The following THBS2 variants were observed in gnomAD, a reference collection of about 807,000 sequenced individuals.
THBS2 encodes thrombospondin 2.
In THBS2, 47 loss-of-function variants were observed where a neutral mutation model predicts 135.2. The ratio of observed to expected loss-of-function variants is 0.35; its 90% CI spans 0.28 to 0.44. The LOEUF is 0.44. Among genes scored for constraint, THBS2 ranks in the 20% least tolerant of loss-of-function variants. The pLI is 1.00. For missense variants in THBS2, 1,288 were observed against 1,603.1 expected (o/e 0.80, Z 3.36); for synonymous variants, 639 against 633.8 (o/e 1.01, Z -0.12).
intron 21 of THBS2, among the ~76,000 whole-genome samples, chr6:169,219,474 A>G (rs1042204603): frequency 9.9e-5 from 15 of 152,072 alleles, no homozygotes; most frequent in African/African-American, 3.6e-4. Flanking sequence ...GCCTTGAAAG[A>G]CATCCTAACA....
intron 20 of THBS2, 129 bp from the exon 21 acceptor site, chr6:169,220,466 A>C: frequency 1.7e-6 from 2 of 1,178,446 alleles, no homozygotes; most frequent in Non-Finnish European, 2.4e-6. Context: ...TCAGTGCCCC[A>C]GGGGGCATTG....
intron 3 of THBS2, among the ~76,000 whole-genome samples, chr6:169,247,657 G>A (rs1780598029): frequency 6.6e-6 from 1 of 151,936 alleles, no homozygotes; most frequent in Non-Finnish European, 1.5e-5. Context: ...GCATTGCATG[G>A]CTGTGGGTGG....
rs1202577624 is a variant in THBS2, at chr6:169,241,924, C to T, written c.729G>A (p.Thr243=). ...EINAISENTE[T]LRLGPHVTTE... is the part of the protein sequence containing the mutation. ...TGGTGACATGCGGACCCAGGCGCAG[C>T]GTCTCTGTGTTCTCACTGATGGCGT... is the stretch of plus-strand genomic sequence containing the variant. The change falls in exon 5 of 22, where the codon ACG becomes ACA. Residue 243 remains threonine, a synonymous_variant. Transcript: ENST00000617924. This position sits in a 1 kb window ranked among gnomAD's most constrained non-coding sequence, Gnocchi z 5.5. 4 of 1,611,466 alleles carry T rather than the reference C, an allele frequency of 2.5e-6. No homozygotes were observed. Among genetic ancestry groups the T allele is most frequent in the East Asian group, 2.2e-5 (1 of 44,872 alleles).
At chr6:169,242,601 T>TTCCCACCTTCCCCCCAC (rs1780355710) in intron 4 of THBS2, among the ~76,000 whole-genome samples, 2 of 71,344 alleles carry the variant, frequency 2.8e-5, no homozygotes, top group Non-Finnish European at 5.6e-5. Context: ...CCTTCCCACA[T>TTCCCACCTTCCCCCCAC]TCCCACCTTC....
At chr6:169,234,592 T>G (rs762004048) in intron 10 of THBS2, 142 bp downstream of exon 10, 1 of 860,286 alleles carries the variant, frequency 1.2e-6, no homozygotes, top group African/African-American at 1.7e-5. Context: ...GAAACACAGA[T>G]GTTAAAAGTA....
intron 4 of THBS2, among the ~76,000 whole-genome samples, 191 bp from the exon 5 acceptor site, chr6:169,242,149 GC>G (rs1188969763): frequency 1.3e-5 from 2 of 152,132 alleles, no homozygotes; most frequent in Admixed American, 1.3e-4. Context: ...TCCCAGAGTG[GC>G]CTGGTGCTGG....
chr6:169,245,318 A>T (rs1341481562), intron 4 of THBS2, among the ~76,000 whole-genome samples: 1 of 152,246 alleles, frequency 6.6e-6, no homozygotes, highest in Non-Finnish European at 1.5e-5. Flanking sequence ...TAGATGATGT[A>T]CGGCATTTAA....
rs755923430 is a variant in THBS2, at chr6:169,228,133, A to G, written c.2408T>C (p.Ile803Thr). The change falls in exon 15 of 22, where the codon ATT becomes ACT. Residue 803 changes from isoleucine (I) to threonine (T), a missense_variant. Ile to Thr is a moderately conservative substitution (Grantham distance 89). Coordinates refer to ENST00000617924, the MANE Select transcript of THBS2 (RefSeq NM_003247.5). Reference sequence around the variant, plus strand: ...GCAGAAGCACCCACCGTCCCCATCAATGTCCACGGAGCAGGCGTCACCCTC... The same window carrying G: ...GCAGAAGCACCCACCGTCCCCATCAGTGTCCACGGAGCAGGCGTCACCCTC... ...NGEGDACSVD[I>T]DGDDVFNERD... 28 of 1,612,160 alleles carry G rather than the reference A, an allele frequency of 1.7e-5. No individual in the cohort carries two copies. The highest frequency in any genetic ancestry group is 2.4e-5 in the Non-Finnish European group (28 of 1,179,704).
At chr6:169,219,643 C>T (rs1431692883) in intron 21 of THBS2, among the ~76,000 whole-genome samples, 1 of 152,136 alleles carries the variant, frequency 6.6e-6, no homozygotes, top group African/African-American at 2.4e-5. Context: ...CTGCCCCCAG[C>T]CAAACACATG....
rs1288067028 is a variant in THBS2, at chr6:169,216,687, T to TATC, written c.*1132_*1134dup. On this transcript the variant is annotated 3_prime_UTR_variant, in exon 22 of 22. Transcript: ENST00000617924. ...ATGCTTCATCGTGACAACCTAATAT[T>TATC]ATCAAGCCTCATATTTTCACAGGAT... The TATC allele has an allele frequency of 6.6e-6, 1 of 152,056 alleles. No individual in the cohort carries two copies. Among genetic ancestry groups the TATC allele is most frequent in the African/African-American group, 2.4e-5 (1 of 41,432 alleles). The allele number at this position is 152,056 out of a possible 1,614,324, so 9.4% of individuals were successfully genotyped here. A position where few individuals can be genotyped will look rare whatever the true frequency, so the allele number is the denominator to read the frequency against.
chr6:169,234,823 C>A lies in THBS2; in HGVS notation c.1562G>T (p.Cys521Phe), dbSNP rs1343820630. 6.2e-7 allele frequency: 1 copy of A among 1,613,360 alleles called. No individual in the cohort carries two copies. Among genetic ancestry groups the A allele is most frequent in the South Asian group, 1.1e-5 (1 of 91,018 alleles). ...TCCGTACTGAGGCTCAGGGCTGTTG[C>A]AGACCCGGGTGCGCTCCCGGATCCC... Reference protein sequence around the residue: ...AGGIRERTRVCNSPEPQYGGK... With the variant: ...AGGIRERTRVFNSPEPQYGGK... Residue 521 changes from cysteine to phenylalanine, a missense_variant, in exon 10 of 22, where the codon TGC becomes TTC. This residue lies in a region of THBS2 where 874 missense variants were observed against 1,156.1 expected (regional missense o/e 0.76). Coordinates refer to ENST00000617924, the MANE Select transcript of THBS2 (RefSeq NM_003247.5).
In THBS2 at chr6:169,241,732, G is replaced by A. The variant is rs1448509590; in HGVS notation, c.891+30C>T. 1 of 1,576,738 alleles carries A rather than the reference G, an allele frequency of 6.3e-7. No homozygotes were observed. Among genetic ancestry groups the A allele is most frequent in the Non-Finnish European group, 8.7e-7 (1 of 1,154,924 alleles). ...AGCGGCGGAGCTGCCCATGCCCTAT[G>A]ACCCCCGCGGCCCCTGCGTGAGTAC... On this transcript the variant is annotated intron_variant, in intron 5 of 21. Coordinates refer to ENST00000617924, the MANE Select transcript of THBS2 (RefSeq NM_003247.5). This position sits in a 1 kb window ranked among gnomAD's most constrained non-coding sequence, Gnocchi z 5.5.
In THBS2 at chr6:169,239,677, G is replaced by A. The variant is rs546033162; in HGVS notation, c.1051C>T (p.His351Tyr). Reference sequence around the variant, plus strand: ...GTTGCAGGCGGGCAGGTGATTTGGTGGCAAATGGTTTTAAATTTCTACAAG... The same window carrying A: ...GTTGCAGGCGGGCAGGTGATTTGGTAGCAAATGGTTTTAAATTTCTACAAG... ...CTCKKFKTIC[H>Y]QITCPPATCA... Residue 351 changes from histidine to tyrosine, a missense_variant, in exon 7 of 22, where the codon CAC (histidine) becomes TAC (tyrosine). By Grantham distance (83) the His-to-Tyr change is moderately conservative. Around this residue, in one of 2 missense-constraint regions of THBS2, gnomAD observed 874 missense variants for 1,156.1 expected, o/e 0.76. Coordinates refer to ENST00000617924, the MANE Select transcript of THBS2 (RefSeq NM_003247.5). 6.2e-6 allele frequency: 10 copies of A among 1,600,592 alleles called. 1 individual carries two copies. In the South Asian group the frequency reaches 9.1e-5, roughly 15 times the overall value.
At chr6:169,228,095 C>T (rs200614383) in intron 15 of THBS2, 27 bp downstream of exon 15, 33 of 1,571,280 alleles carry the variant, frequency 2.1e-5, no homozygotes, top group African/African-American at 4.2e-5. Flanking sequence ...AAAAAGTGCA[C>T]GCATGGGAAG....
chr6:169,246,391 G>C, intron 3 of THBS2, 110 bp from the exon 4 acceptor site: 1 of 881,420 alleles, frequency 1.1e-6, no homozygotes, highest in South Asian at 1.5e-5. Flanking sequence ...AGTAGTGAGA[G>C]TATTTCCTTC....
rs201868969 is a variant in THBS2, at chr6:169,248,726, C to G, written c.300G>C (p.Leu100=). 1 of 1,613,684 alleles carries G rather than the reference C, an allele frequency of 6.2e-7. No individual in the cohort carries two copies. Among genetic ancestry groups the G allele is most frequent in the Non-Finnish European group, 8.5e-7 (1 of 1,180,028 alleles). Residue 100 remains leucine, a synonymous_variant, in exon 3 of 22, where the codon CTG becomes CTC. Coordinates refer to ENST00000617924, the MANE Select transcript of THBS2 (RefSeq NM_003247.5). The part of the protein sequence containing the change: ...LKQDGKSRGT[L]LALEGPGLSQ... ...AGAGACCGGGGCCCTCCAGAGCCAACAGCGTGCCCCTGGACTTGCCGTCCT... is the reference window on the plus strand; with the variant it reads ...AGAGACCGGGGCCCTCCAGAGCCAAGAGCGTGCCCCTGGACTTGCCGTCCT...
chr6:169,236,834 C>T (rs1780109913), intron 9 of THBS2, among the ~76,000 whole-genome samples: 1 of 150,922 alleles, frequency 6.6e-6, no homozygotes, highest in South Asian at 2.1e-4. Flanking sequence ...TCCACACTCA[C>T]TCCCCATCCA....
Position 169,248,794 on chromosome 6 carries a change from T to C in THBS2, c.232A>G (p.Met78Val). ...ADDLSKITKI[M>V]RQKEGFFLTA... ...AGGAAGAAGCCCTCCTTCTGCCGCA[T>C]GATCTTGGTGATCTTGCTGAGGTCA... The change falls in exon 3 of 22, where the codon ATG becomes GTG. Residue 78 changes from methionine (M) to valine (V), a missense_variant. By Grantham distance (21) the Met-to-Val change is conservative. Coordinates refer to ENST00000617924, the MANE Select transcript of THBS2 (RefSeq NM_003247.5). The C allele has an allele frequency of 6.2e-7, 1 of 1,611,202 alleles. No homozygotes were observed. The highest frequency in any genetic ancestry group is 8.5e-7 in the Non-Finnish European group (1 of 1,179,982).
Position 169,220,319 on chromosome 6 carries a change from T to C in THBS2, c.3390A>G (p.Gly1130=), listed in dbSNP as rs1779376694. Residue 1130 remains glycine, a synonymous_variant, in exon 21 of 22, where the codon GGA becomes GGG. Transcript: ENST00000617924. ...GTCCTGAGTCTGCCATGACCTGTTT[T>C]CCTTCATGCACTAAGACTCTAAAAA... The part of the protein sequence containing the change: ...TGYIRVLVHE[G]KQVMADSGPI... The C allele has an allele frequency of 6.2e-7, 1 of 1,612,898 alleles. No individual in the cohort carries two copies. Among genetic ancestry groups the C allele is most frequent in the Non-Finnish European group, 8.5e-7 (1 of 1,179,530 alleles).
Sources: gnomAD v4.1 joint callset for allele counts (sites outside exome capture counted in the v4.1 genomes callset) on GRCh38, gnomAD v4.1.1 for gene constraint, gnomAD v4.1.1 regional missense constraint, Gnocchi (gnomAD v3.1) non-coding constraint, MANE v1.5 for transcripts, NCBI Gene and HGNC (gene_info 2026-07-23, HGNC 2026-07-21) for gene names.